The following BEST3 variants were observed in gnomAD, a reference collection of about 807,000 sequenced individuals.
The protein encoded by BEST3 is bestrophin-3.
BEST3 carries 50 observed loss-of-function variants against 47.1 expected under a neutral mutation model. The observed-to-expected ratio is 1.06, with a 90% CI of 0.85 to 1.34. The LOEUF is 1.34. Ranked by LOEUF, BEST3 falls within the 40% of genes most tolerant of loss-of-function variation. The pLI is 0.00. For missense variants in BEST3, 765 were observed against 817.0 expected, an observed-to-expected ratio of 0.94 and a Z score of 0.78; for synonymous variants, 282 against 298.8, an observed-to-expected ratio of 0.94 and a Z score of 0.58.
Position 69,697,669 on chromosome 12 carries a change from T to G in BEST3, c.130A>C (p.Thr44Pro). 1 of 1,605,512 alleles carries G rather than the reference T, an allele frequency of 6.2e-7. No individual in the cohort carries two copies. The highest frequency in any genetic ancestry group is 1.1e-5 in the South Asian group (1 of 89,220). The change falls in exon 2 of 10, where the codon ACA (threonine) becomes CCA (proline). Residue 44 changes from threonine to proline, a missense_variant. Physicochemically the swap from Thr to Pro is conservative, Grantham distance 38. Transcript: ENST00000330891. ...REFIVFAVLY[T>P]AISLVYRLLL... Reference sequence around the variant, plus strand: ...TACCTGTATACCAAACTTATTGCTGTATAAAGAACAGCAAAAACAATAAAT... The same window carrying G: ...TACCTGTATACCAAACTTATTGCTGGATAAAGAACAGCAAAAACAATAAAT...
At chr12:69,643,891 C>T in intron 9 of BEST3, 1 of 529,856 alleles carries the variant, frequency 1.9e-6, no homozygotes, top group East Asian at 3.2e-5. Flanking sequence ...CATAGGCCAC[C>T]ACACATTTAA....
At position 69,679,147 on chromosome 12, in the gene BEST3, G is replaced by A. The variant is rs531083046; in HGVS notation, c.482-254C>T. Among the ~76,000 whole-genome samples, 5 of 152,308 alleles carry A rather than the reference G, an allele frequency of 3.3e-5. No individual in the cohort carries two copies. In the South Asian group the frequency reaches 8.3e-4, roughly 25 times the overall value. ...AATCCCTGATAGAGGAGGCCATTAG[G>A]AGGTAAGGAGACATTAAATGTGAAC... On this transcript the variant is annotated intron_variant, in intron 4 of 9. Transcript: ENST00000330891.
chr12:69,674,467 GC>G (rs1030546088), intron 7 of BEST3, among the ~76,000 whole-genome samples: 6 of 152,142 alleles, frequency 3.9e-5, no homozygotes, highest in Non-Finnish European at 8.8e-5. Context: ...CTTTCCTTGG[GC>G]AGGTCTGTGC....
rs1175767742 is a variant in BEST3, at chr12:69,694,249, A to G, written c.247+121T>C. 2.5e-5 allele frequency: 16 copies of G among 638,856 alleles called. No homozygotes were observed. The East Asian group carries it at 4.0e-4, about 16-fold the overall frequency. The allele number at this position is 638,856 out of a possible 1,614,324, so 39.6% of individuals were successfully genotyped here. On this transcript the variant is annotated intron_variant, in intron 3 of 9. Transcript: ENST00000330891. Reference sequence around the variant, plus strand: ...AAACCTTATGGATGATTCTGGTTCTATTGCAAGCGGTGGCTTTTCAGGCAT... The same window carrying G: ...AAACCTTATGGATGATTCTGGTTCTGTTGCAAGCGGTGGCTTTTCAGGCAT...
chr12:69,676,454 G>A (rs1018380039), intron 7 of BEST3, among the ~76,000 whole-genome samples: 2 of 151,372 alleles, frequency 1.3e-5, no homozygotes, highest in African/African-American at 4.9e-5. Context: ...TACACTTAAT[G>A]TTGTGGGACA....
Position 69,655,002 on chromosome 12 carries a change from C to A in BEST3, c.1912G>T (p.Val638Phe), listed in dbSNP as rs1362637930. The change falls in exon 10 of 10, where the codon GTC becomes TTC. Residue 638 changes from valine to phenylalanine, a missense_variant. Transcript: ENST00000330891. ...SGINIVAGSR[V>F]SSDMLYLMEN... The stretch of plus-strand genomic sequence containing the variant: ...ATTAAATACAGCATATCAGAAGAGA[C>A]TCGAGAGCCAGCCACAATGTTGATC... The A allele has an allele frequency of 1.2e-6, 2 of 1,614,064 alleles. No individual in the cohort carries two copies. The highest frequency in any genetic ancestry group is 1.7e-6 in the Non-Finnish European group (2 of 1,180,008).
chr12:69,697,849 C>A, intron 1 of BEST3, 36 bp from the exon 2 acceptor site: 1 of 1,545,686 alleles, frequency 6.5e-7, no homozygotes, highest in Non-Finnish European at 8.8e-7. Context: ...AAGTAAAAAG[C>A]AATGTTTAAA....
intron 7 of BEST3, among the ~76,000 whole-genome samples, chr12:69,675,104 A>G (rs951960480): frequency 6.7e-6 from 1 of 150,240 alleles, no homozygotes; most frequent in Non-Finnish European, 1.5e-5. Flanking sequence ...GTGCCTTTTA[A>G]TATTTTGTCT....
chr12:69,666,075 A>T (rs1259080824), intron 9 of BEST3, among the ~76,000 whole-genome samples: 3 of 152,138 alleles, frequency 2.0e-5, no homozygotes, highest in Non-Finnish European at 4.4e-5. Flanking sequence ...ACTGTAGTGC[A>T]GTGGCATGAG....
intron 9 of BEST3, among the ~76,000 whole-genome samples, chr12:69,658,889 G>A (rs1450894943): frequency 1.3e-5 from 2 of 152,180 alleles, no homozygotes; most frequent in Non-Finnish European, 2.9e-5. Context: ...CCAGGTTGTG[G>A]GATGTGAACT....
intron 2 of BEST3, among the ~76,000 whole-genome samples, chr12:69,695,978 A>C (rs912617442): frequency 6.6e-6 from 1 of 152,178 alleles, no homozygotes; most frequent in African/African-American, 2.4e-5. Context: ...CCAAAAATAG[A>C]AATAAATGTA....
At chr12:69,670,202 A>G (rs1377036751) in intron 9 of BEST3, 2 of 437,614 alleles carry the variant, frequency 4.6e-6, no homozygotes, top group East Asian at 7.2e-5. Context: ...GAAGGCTGAG[A>G]CATGCATACA....
chr12:69,691,414 C>T (rs908915979), intron 4 of BEST3, among the ~76,000 whole-genome samples: 4 of 152,140 alleles, frequency 2.6e-5, no homozygotes, highest in African/African-American at 4.8e-5. Flanking sequence ...ACCCTTACTC[C>T]GTGTTCTTAA....
At chr12:69,663,050 T>A (rs377252570) in intron 9 of BEST3, among the ~76,000 whole-genome samples, 5 of 152,198 alleles carry the variant, frequency 3.3e-5, no homozygotes, top group African/African-American at 1.2e-4. Context: ...TTCTTTACTG[T>A]TGGGTGTTTT....
chr12:69,678,770 C>A lies in BEST3; in HGVS notation c.605G>T (p.Arg202Ile). The change falls in exon 5 of 10, where the codon AGA becomes ATA. Residue 202 changes from arginine to isoleucine, a missense_variant. Physicochemically the swap from Arg to Ile is moderately conservative, Grantham distance 97. Transcript: ENST00000330891. ...CAATGATTGCAGATCAACACTGTCT[C>A]TGATTCTACCTTCATTCCGGGCTTT... ...ATKARNEGRI[R>I]DSVDLQSLMT... is the part of the protein sequence containing the mutation. The A allele has an allele frequency of 1.2e-6, 2 of 1,614,122 alleles. No individual in the cohort carries two copies. The highest frequency in any genetic ancestry group is 1.7e-6 in the Non-Finnish European group (2 of 1,179,998).
intron 1 of BEST3, among the ~76,000 whole-genome samples, chr12:69,698,455 C>G (rs1326118967): frequency 6.6e-6 from 1 of 151,792 alleles, no homozygotes; most frequent in Admixed American, 6.6e-5. Context: ...AATTCCACCA[C>G]TTTTCACCAA....
At position 69,655,168 on chromosome 12, in the gene BEST3, AGG is replaced by A; in HGVS notation, c.1744_1745del (p.Pro582TrpfsTer2). Reference sequence around the variant, plus strand: ...TCCACCTTTTTAGAAAGGTATCACCAGGGTCTTCTTCACAGTTGAATATATTT... The same window carrying A: ...TCCACCTTTTTAGAAAGGTATCACCAGTCTTCTTCACAGTTGAATATATTT... ...EENIFNCEED[P>X]GDTFLKRWSL... On this transcript the variant is annotated frameshift_variant, in exon 10 of 10. Coordinates refer to ENST00000330891, the MANE Select transcript of BEST3 (RefSeq NM_032735.3). LOFTEE classifies it low-confidence loss of function (END_TRUNC). 6.2e-7 allele frequency: 1 copy of A among 1,614,172 alleles called. No individual in the cohort carries two copies. Among genetic ancestry groups the A allele is most frequent in the Non-Finnish European group, 8.5e-7 (1 of 1,180,024 alleles).
intron 4 of BEST3, among the ~76,000 whole-genome samples, chr12:69,690,756 G>A (rs183597853): frequency 2.0e-5 from 3 of 152,214 alleles, no homozygotes; most frequent in Admixed American, 2.0e-4. Flanking sequence ...TCTTAGAGAC[G>A]GTAATTCTTA....
At chr12:69,678,949 T>C in intron 4 of BEST3, 56 bp from the exon 5 acceptor site, 1 of 1,380,548 alleles carries the variant, frequency 7.2e-7, no homozygotes, top group Non-Finnish European at 1.0e-6. Flanking sequence ...CACTAATACG[T>C]TACCATATTT....
Sources: gnomAD v4.1 joint callset for allele counts (sites outside exome capture counted in the v4.1 genomes callset) on GRCh38, gnomAD v4.1.1 for gene constraint, MANE v1.5 for transcripts, NCBI Gene and HGNC (gene_info 2026-07-23, HGNC 2026-07-21) for gene names.